ATP2A2: variants seen among roughly 807,000 people sequenced by gnomAD.
ATP2A2 encodes the protein sarcoplasmic/endoplasmic reticulum calcium ATPase 2.
ATP2A2 carries 14 observed loss-of-function variants against 109.3 expected under a neutral mutation model. That is an observed-to-expected ratio of 0.13 (90% confidence interval 0.08 to 0.20). The LOEUF (loss-of-function observed/expected upper bound fraction) is 0.20. Among genes scored for constraint, ATP2A2 ranks in the 10% least tolerant of loss-of-function variants. ATP2A2 has a pLI of 1.00. For missense variants in ATP2A2, 657 were observed against 1,321.6 expected, an observed-to-expected ratio of 0.50 and a Z score of 7.80; for synonymous variants, 506 against 490.9, an observed-to-expected ratio of 1.03 and a Z score of -0.41.
chr12:110,297,319 C>T (rs1410444634), intron 5 of ATP2A2, among the ~76,000 whole-genome samples: 1 of 151,604 alleles, frequency 6.6e-6, no homozygotes, highest in African/African-American at 2.4e-5. Flanking sequence ...CCTGTAGTCC[C>T]AGCCACTTGT....
rs1368214567 is a variant in ATP2A2 at position 110,347,429 on chromosome 12, G to A, written c.*959G>A. 1 of 1,289,022 alleles carries A rather than the reference G, an allele frequency of 7.8e-7. No individual in the cohort carries two copies. Among genetic ancestry groups the A allele is most frequent in the Non-Finnish European group, 1.0e-6 (1 of 988,680 alleles). 79.8% of individuals were successfully genotyped at this position (1,289,022 alleles called of 1,614,324 possible). The stretch of plus-strand genomic sequence containing the variant: ...GAACTTTAGTTGTACTCTGCTTGAG[G>A]GGAAGAAGGCTCCTGCTCTGCTGTG... On this transcript the variant is annotated 3_prime_UTR_variant, in exon 20 of 20. Coordinates refer to ENST00000539276, the MANE Select transcript of ATP2A2 (RefSeq NM_170665.4).
chr12:110,341,969 T>G (rs1209298018), intron 14 of ATP2A2, among the ~76,000 whole-genome samples: 1 of 152,244 alleles, frequency 6.6e-6, no homozygotes, highest in Non-Finnish European at 1.5e-5. Flanking sequence ...ATAGGTTGTG[T>G]TTTTGTTTTT....
In ATP2A2 at chr12:110,348,832, A is replaced by T. The variant is rs140910528; in HGVS notation, c.*2362A>T. 9.5e-3 allele frequency: 9,373 copies of T among 985,504 alleles called. 44 individuals are homozygous for T. Among genetic ancestry groups the T allele is most frequent in the Non-Finnish European group, 0.01 (8,678 of 829,972 alleles). The allele number at this position is 985,504 out of a possible 1,614,324, so 61.0% of individuals were successfully genotyped here. On this transcript the variant is annotated 3_prime_UTR_variant, in exon 20 of 20. Coordinates refer to ENST00000539276, the MANE Select transcript of ATP2A2 (RefSeq NM_170665.4). ...GGTAAATTTTGCCAGTTTGAGCATCATGAGGTGTAACAAGAAATGGGTTGA... is the reference window on the plus strand; with the variant it reads ...GGTAAATTTTGCCAGTTTGAGCATCTTGAGGTGTAACAAGAAATGGGTTGA...
At chr12:110,334,928 C>T (rs1000458771) in intron 11 of ATP2A2, among the ~76,000 whole-genome samples, 3 of 152,168 alleles carry the variant, frequency 2.0e-5, no homozygotes, top group African/African-American at 7.2e-5. Context: ...CCAGCATAAC[C>T]AAATACCAAA....
In ATP2A2 at chr12:110,327,528, G is replaced by T; in HGVS notation, c.631-25G>T. 6.2e-7 allele frequency: 1 copy of T among 1,603,542 alleles called. No individual in the cohort carries two copies. Among genetic ancestry groups the T allele is most frequent in the South Asian group, 1.1e-5 (1 of 90,844 alleles). On this transcript the variant is annotated intron_variant, in intron 7 of 19. Transcript: ENST00000539276. The surrounding 1 kb of genome is among the most constrained non-coding windows in gnomAD (Gnocchi z 4.4). The stretch of plus-strand genomic sequence containing the variant: ...AGTTGGGATGTGGTATTCATCTTGT[G>T]ACCAGTTCTCTACTTCTGTCCTAGG...
chr12:110,282,876 A>T, intron 3 of ATP2A2, 81 bp downstream of exon 3: 1 of 1,189,818 alleles, frequency 8.4e-7, no homozygotes, highest in African/African-American at 1.5e-5. Context: ...AATGATGTCC[A>T]TTGGGTGAAA....
At chr12:110,293,287 C>G (rs1430416365) in intron 4 of ATP2A2, among the ~76,000 whole-genome samples, 1 of 150,710 alleles carries the variant, frequency 6.6e-6, no homozygotes, top group Non-Finnish European at 1.5e-5. Context: ...TCAGGCTGGT[C>G]TCAAACCCCT....
intron 11 of ATP2A2, among the ~76,000 whole-genome samples, chr12:110,338,745 G>A (rs749043702): frequency 2.0e-5 from 3 of 152,150 alleles, no homozygotes; most frequent in Non-Finnish European, 4.4e-5. Context: ...GAGACCCTCC[G>A]TTGTCTTCTG....
intron 1 of ATP2A2, 103 bp from the exon 2 acceptor site, chr12:110,282,501 T>C (rs1157958130): frequency 7.0e-7 from 1 of 1,434,286 alleles, no homozygotes; most frequent in African/African-American, 1.4e-5. Context: ...TGCTTAGAAT[T>C]GTAGCAGTTC....
chr12:110,346,133 G>A lies in ATP2A2; in HGVS notation c.2859+15G>A, dbSNP rs1566243285. 2 of 1,614,174 alleles carry A rather than the reference G, an allele frequency of 1.2e-6. No individual in the cohort carries two copies. The highest frequency in any genetic ancestry group is 1.7e-5 in the Admixed American group (1 of 60,022). ...AACCCTTGCCAGTAAGTGGTTGGGTGGGGCTTGGGACCAGCCACCTCCTTC... is the reference window on the plus strand; with the variant it reads ...AACCCTTGCCAGTAAGTGGTTGGGTAGGGCTTGGGACCAGCCACCTCCTTC... On this transcript the variant is annotated intron_variant, in intron 19 of 19. Coordinates refer to ENST00000539276, the MANE Select transcript of ATP2A2 (RefSeq NM_170665.4).
At chr12:110,336,471 G>C (rs1039497416) in intron 11 of ATP2A2, among the ~76,000 whole-genome samples, 4 of 152,200 alleles carry the variant, frequency 2.6e-5, no homozygotes, top group Non-Finnish European at 4.4e-5. Flanking sequence ...GGGTAGTACA[G>C]CCTGAGTTGG....
chr12:110,281,974 G>A (rs1872143720), intron 1 of ATP2A2, 67 bp downstream of exon 1: 1 of 1,318,144 alleles, frequency 7.6e-7, no homozygotes, highest in East Asian at 2.8e-5. Flanking sequence ...ATGGCTGACC[G>A]GGCTCCACCT....
At chr12:110,309,481 C>T (rs1875766641) in intron 5 of ATP2A2, among the ~76,000 whole-genome samples, 1 of 152,042 alleles carries the variant, frequency 6.6e-6, no homozygotes, top group African/African-American at 2.4e-5. Context: ...TTATATGTTG[C>T]TATACCAGCT....
rs1284399998 is a variant in ATP2A2 at position 110,347,436 on chromosome 12, A to C, written c.*966A>C. ...AGTTGTACTCTGCTTGAGGGGAAGA[A>C]GGCTCCTGCTCTGCTGTGTAGGTAG... On this transcript the variant is annotated 3_prime_UTR_variant, in exon 20 of 20. Transcript: ENST00000539276. 2.3e-6 allele frequency: 3 copies of C among 1,288,956 alleles called. No homozygotes were observed. Among genetic ancestry groups the C allele is most frequent in the African/African-American group, 1.5e-5 (1 of 65,812 alleles). 79.8% of individuals were successfully genotyped at this position (1,288,956 alleles called of 1,614,324 possible). A position where few individuals can be genotyped will look rare whatever the true frequency, so the allele number is the denominator to read the frequency against.
chr12:110,285,084 G>A (rs977030890), intron 3 of ATP2A2, among the ~76,000 whole-genome samples: 11 of 152,280 alleles, frequency 7.2e-5, no homozygotes, highest in African/African-American at 2.2e-4. Flanking sequence ...TATACATCAT[G>A]CGTCATCAAG....
chr12:110,293,862 G>GTATA (rs1566203983), intron 4 of ATP2A2, among the ~76,000 whole-genome samples: 1 of 123,236 alleles, frequency 8.1e-6, no homozygotes, highest in African/African-American at 3.4e-5. Context: ...GTGTGTGTGT[G>GTATA]TGTATATATT....
In ATP2A2 at chr12:110,348,939, T is replaced by C. The variant is rs767802082; in HGVS notation, c.*2469T>C. The stretch of plus-strand genomic sequence containing the variant: ...TATTGCTATTCCGTGCAAACAAAAC[T>C]CAGCTTTTCCTGACTCAGTTCCTTG... On this transcript the variant is annotated 3_prime_UTR_variant, in exon 20 of 20. Transcript: ENST00000539276. The C allele has an allele frequency of 9.1e-6, 9 of 985,302 alleles. No individual in the cohort carries two copies. Among genetic ancestry groups the C allele is most frequent in the Non-Finnish European group, 1.1e-5 (9 of 829,938 alleles). 61.0% of individuals were successfully genotyped at this position (985,302 alleles called of 1,614,324 possible).
intron 8 of ATP2A2, chr12:110,330,079 T>TA (rs945736686): frequency 6.6e-6 from 1 of 152,262 alleles, no homozygotes; most frequent in African/African-American, 2.4e-5. Context: ...AACACAGTGT[T>TA]ACATTTTCCT....
chr12:110,303,352 C>T (rs1232027783), intron 5 of ATP2A2, among the ~76,000 whole-genome samples: 3 of 152,072 alleles, frequency 2.0e-5, no homozygotes, highest in African/African-American at 4.8e-5. Flanking sequence ...TTCAGTCTCC[C>T]GAGTAGCTGG....
Sources: allele counts gnomAD v4.1 joint callset (sites outside exome capture counted in the v4.1 genomes callset), GRCh38; gene constraint gnomAD v4.1.1; non-coding constraint Gnocchi (gnomAD v3.1); transcripts MANE v1.5; gene names NCBI Gene and HGNC (gene_info 2026-07-23, HGNC 2026-07-21).